MAF: variants seen among roughly 807,000 people sequenced by gnomAD.
MAF encodes transcription factor Maf.
MAF carries 10 observed loss-of-function variants against 22.0 expected under a neutral mutation model. That is an observed-to-expected ratio of 0.45 (90% CI 0.28 to 0.77). MAF has a LOEUF of 0.77. MAF is among the 30% of genes least tolerant of loss of function. The pLI is 0.12. For synonymous variants in MAF, 337 were observed against 255.8 expected (o/e 1.32, Z -3.03); for missense variants, 544 against 548.4 (o/e 0.99, Z 0.08).
the MAF span, among the ~76,000 whole-genome samples, chr16:79,442,351 T>A: frequency 2.6e-5 from 4 of 151,768 alleles, no homozygotes; most frequent in Admixed American, 1.3e-4. Flanking sequence ...CCACAGAATA[T>A]CCTTTTATTT....
chr16:79,549,294 C>T, the MAF span, among the ~76,000 whole-genome samples: 6 of 152,054 alleles, frequency 3.9e-5, no homozygotes, highest in African/African-American at 1.4e-4. Flanking sequence ...CCCATGAGGT[C>T]GACGCTATGA....
At chr16:79,581,953 A>G (rs190133680), downstream of MAF, among the ~76,000 whole-genome samples, 12 of 152,186 alleles carry the variant, frequency 7.9e-5, no homozygotes, top group African/African-American at 2.9e-4. Context: ...TCCATTTGGT[A>G]TTAGTTCCTA....
the MAF span, among the ~76,000 whole-genome samples, chr16:79,444,977 C>A: frequency 6.6e-6 from 1 of 152,030 alleles, no homozygotes; most frequent in East Asian, 1.9e-4. Flanking sequence ...CAGTTTCTGG[C>A]AAAAATTAAT....
At chr16:79,281,011 A>G in the MAF span, among the ~76,000 whole-genome samples, 2 of 152,170 alleles carry the variant, frequency 1.3e-5, no homozygotes, top group Non-Finnish European at 2.9e-5. Context: ...AGCAAAGATA[A>G]AGGCAGGTGA....
At chr16:79,558,157 G>A in the MAF span, among the ~76,000 whole-genome samples, 1 of 150,830 alleles carries the variant, frequency 6.6e-6, no homozygotes, top group Non-Finnish European at 1.5e-5. Context: ...GGTTTTTCCT[G>A]CCTGTGGGGG....
chr16:79,299,348 A>AAAAACAAACAAAGAAAAAG, the MAF span, among the ~76,000 whole-genome samples: 1 of 86,240 alleles, frequency 1.2e-5, no homozygotes, highest in Non-Finnish European at 2.3e-5. Context: ...AAAGAAAAAG[A>AAAAACAAACAAAGAAAAAG]AAAAAAAAAA....
chr16:79,242,412 G>C, the MAF span, among the ~76,000 whole-genome samples: 3 of 150,716 alleles, frequency 2.0e-5, no homozygotes, highest in South Asian at 6.3e-4. Flanking sequence ...CCTAGTCTCT[G>C]ATAAAAAAAG....
chr16:79,354,339 G>T, the MAF span, among the ~76,000 whole-genome samples: 1 of 152,086 alleles, frequency 6.6e-6, no homozygotes, highest in Non-Finnish European at 1.5e-5. Context: ...CAACAGGAGA[G>T]GAACACACGA....
chr16:79,570,753 T>C, the MAF span, among the ~76,000 whole-genome samples: 1 of 152,182 alleles, frequency 6.6e-6, no homozygotes, highest in Non-Finnish European at 1.5e-5. Flanking sequence ...AGATGTGGAA[T>C]TGAGAAGATA....
chr16:79,591,426 T>A (rs977761945), downstream of MAF, among the ~76,000 whole-genome samples: 2 of 152,160 alleles, frequency 1.3e-5, no homozygotes, highest in East Asian at 3.9e-4. Context: ...CTAAGGTGCA[T>A]CTCTGTAGAA....
At chr16:79,327,248 G>C in the MAF span, among the ~76,000 whole-genome samples, 1 of 152,204 alleles carries the variant, frequency 6.6e-6, no homozygotes, top group Non-Finnish European at 1.5e-5. Flanking sequence ...CTGTGGTGGA[G>C]GGTATAGAAC....
the MAF span, among the ~76,000 whole-genome samples, chr16:79,445,892 A>G: frequency 6.6e-6 from 1 of 152,208 alleles, no homozygotes; most frequent in Admixed American, 6.5e-5. Context: ...ATACATGACC[A>G]TTCTTTTGAG....
At chr16:79,252,866 TCC>T in the MAF span, among the ~76,000 whole-genome samples, 4 of 152,114 alleles carry the variant, frequency 2.6e-5, no homozygotes, top group Admixed American at 1.3e-4. Flanking sequence ...AAGCCTCAGT[TCC>T]CTAATTGTGA....
the MAF span, among the ~76,000 whole-genome samples, chr16:79,498,356 T>A: frequency 1.3e-5 from 2 of 152,330 alleles, no homozygotes; most frequent in South Asian, 4.1e-4. Context: ...ACCTTACTTA[T>A]GGGCACTAAA....
At chr16:79,566,680 G>A in the MAF span, among the ~76,000 whole-genome samples, 3 of 152,214 alleles carry the variant, frequency 2.0e-5, no homozygotes, top group Admixed American at 6.5e-5. Flanking sequence ...GCCTGAGTTA[G>A]TGGATGAACC....
chr16:79,508,294 T>G, the MAF span, among the ~76,000 whole-genome samples: 2 of 152,190 alleles, frequency 1.3e-5, no homozygotes, highest in African/African-American at 2.4e-5. Flanking sequence ...CTTGTTGGAC[T>G]TGGCCAATGG....
chr16:79,579,948 A>G, the MAF span, among the ~76,000 whole-genome samples: 2 of 152,206 alleles, frequency 1.3e-5, no homozygotes, highest in Non-Finnish European at 1.5e-5. Context: ...AATACTTGAG[A>G]AAATAAAATT....
chr16:79,450,835 A>G, the MAF span, among the ~76,000 whole-genome samples: 18 of 151,722 alleles, frequency 1.2e-4, no homozygotes, highest in African/African-American at 4.1e-4. Context: ...TAACATTTTT[A>G]CATTTTTTTT....
chr16:79,230,189 G>C, the MAF span, among the ~76,000 whole-genome samples: 114 of 152,216 alleles, frequency 7.5e-4, 1 homozygote, highest in East Asian at 0.02. Flanking sequence ...TTCTGGAGTT[G>C]AATTGCACAG....
Sources: gnomAD v4.1 joint callset for allele counts (sites outside exome capture counted in the v4.1 genomes callset) on GRCh38, gnomAD v4.1.1 for gene constraint, MANE v1.5 for transcripts, NCBI Gene and HGNC (gene_info 2026-07-23, HGNC 2026-07-21) for gene names.